The following ST6GALNAC3 variants were observed in gnomAD, a reference collection of about 807,000 sequenced individuals.
ST6GALNAC3 encodes the protein ST6 N-acetylgalactosaminide alpha-2,6-sialyltransferase 3.
ST6GALNAC3 carries 25 observed loss-of-function variants against 32.7 expected under a neutral mutation model. The ratio of observed to expected loss-of-function variants is 0.76; its 90% CI spans 0.56 to 1.07. The LOEUF is 1.07. ST6GALNAC3 is among the 50% of genes least tolerant of loss of function. ST6GALNAC3 has a pLI of 0.00. For missense variants in ST6GALNAC3, 355 were observed against 382.4 expected (o/e 0.93, Z 0.60); for synonymous variants, 129 against 133.1 (o/e 0.97, Z 0.21).
chr1:76,540,972 T>C (rs1250946438), intron 3 of ST6GALNAC3, among the ~76,000 whole-genome samples: 7 of 152,264 alleles, frequency 4.6e-5, no homozygotes, highest in Non-Finnish European at 1.0e-4. Context: ...GCCAAGGTGC[T>C]TGGGAGCATA....
chr1:76,521,082 C>A (rs1570075133), intron 3 of ST6GALNAC3, among the ~76,000 whole-genome samples: 1 of 151,706 alleles, frequency 6.6e-6, no homozygotes, highest in Non-Finnish European at 1.5e-5. Context: ...TCTTTTAATG[C>A]CTAAGAGATA....
chr1:76,130,397 G>A (rs1051728767), intron 1 of ST6GALNAC3, among the ~76,000 whole-genome samples: 5 of 152,192 alleles, frequency 3.3e-5, no homozygotes, highest in African/African-American at 1.2e-4. Context: ...TCCATGGGGT[G>A]GGTGGCTGTG....
chr1:76,604,729 C>T (rs1167844070), intron 3 of ST6GALNAC3, among the ~76,000 whole-genome samples: 2 of 152,216 alleles, frequency 1.3e-5, no homozygotes, highest in African/African-American at 4.8e-5. Flanking sequence ...CCAAACCAGA[C>T]TCTGTTACTT....
At chr1:76,197,199 T>G (rs959759172) in intron 1 of ST6GALNAC3, among the ~76,000 whole-genome samples, 1 of 152,190 alleles carries the variant, frequency 6.6e-6, no homozygotes, top group Non-Finnish European at 1.5e-5. Context: ...GACTAGTTGT[T>G]AAGATTGCTG....
chr1:76,592,913 G>A (rs1006312019), intron 3 of ST6GALNAC3, among the ~76,000 whole-genome samples: 2 of 152,124 alleles, frequency 1.3e-5, no homozygotes, highest in Non-Finnish European at 2.9e-5. Context: ...TTACAGAGAA[G>A]CCAAAGACTA....
At chr1:76,355,278 G>A (rs2101033904) in intron 2 of ST6GALNAC3, among the ~76,000 whole-genome samples, 1 of 152,246 alleles carries the variant, frequency 6.6e-6, no homozygotes, top group Admixed American at 6.5e-5. Context: ...TCTAATTGGA[G>A]AATAATCTAT....
chr1:76,227,605 C>T (rs1332456602), intron 1 of ST6GALNAC3, among the ~76,000 whole-genome samples: 1 of 152,120 alleles, frequency 6.6e-6, no homozygotes, highest in Non-Finnish European at 1.5e-5. Context: ...TTGTGTCAAG[C>T]ACTCATCTGT....
intron 2 of ST6GALNAC3, among the ~76,000 whole-genome samples, chr1:76,368,186 G>A (rs530689311): frequency 3.9e-5 from 6 of 152,152 alleles, no homozygotes; most frequent in Non-Finnish European, 5.9e-5. Flanking sequence ...CAACTCTGCC[G>A]TCGTAGAGAA....
chr1:76,247,460 A>T (rs1228395128), intron 1 of ST6GALNAC3, among the ~76,000 whole-genome samples: 1 of 151,996 alleles, frequency 6.6e-6, no homozygotes, highest in Non-Finnish European at 1.5e-5. Context: ...TCCCAGGAAG[A>T]TGAGAGTTGT....
At chr1:76,470,875 T>C (rs1358465211) in intron 3 of ST6GALNAC3, among the ~76,000 whole-genome samples, 1 of 152,032 alleles carries the variant, frequency 6.6e-6, no homozygotes, top group African/African-American at 2.4e-5. Flanking sequence ...AGAAATTGGA[T>C]GTTGTAGGCA....
chr1:76,153,253 AT>A (rs1553160093), intron 1 of ST6GALNAC3, among the ~76,000 whole-genome samples: 1 of 152,032 alleles, frequency 6.6e-6, no homozygotes, highest in Non-Finnish European at 1.5e-5. Flanking sequence ...GCTATTGCCT[AT>A]TTGCATACCC....
At chr1:76,288,307 T>C (rs1327984390) in intron 1 of ST6GALNAC3, among the ~76,000 whole-genome samples, 1 of 152,186 alleles carries the variant, frequency 6.6e-6, no homozygotes, top group Non-Finnish European at 1.5e-5. Context: ...TGTGGTCCAA[T>C]TTTTTCCTGC....
At chr1:76,347,741 C>G (rs549315594) in intron 2 of ST6GALNAC3, among the ~76,000 whole-genome samples, 1 of 152,194 alleles carries the variant, frequency 6.6e-6, no homozygotes, top group East Asian at 1.9e-4. Context: ...TTCCTGGGTT[C>G]AAGCTCTTGC....
chr1:76,325,737 AATTATTATTACT>A (rs1177995680), intron 2 of ST6GALNAC3, among the ~76,000 whole-genome samples: 3 of 149,808 alleles, frequency 2.0e-5, no homozygotes, highest in Non-Finnish European at 4.4e-5. Flanking sequence ...TTATTTTTAC[AATTATTATTACT>A]ATTATTATTA....
chr1:76,147,843 A>T (rs1650788498), intron 1 of ST6GALNAC3, among the ~76,000 whole-genome samples: 1 of 151,712 alleles, frequency 6.6e-6, no homozygotes, highest in African/African-American at 2.4e-5. Context: ...CTCAATCTTC[A>T]TCTGTCATCA....
At chr1:76,613,043 G>A (rs1033385109) in intron 3 of ST6GALNAC3, among the ~76,000 whole-genome samples, 14 of 152,178 alleles carry the variant, frequency 9.2e-5, no homozygotes, top group African/African-American at 3.4e-4. Context: ...GCAGGAGGAT[G>A]GCCTTGCCTG....
intron 1 of ST6GALNAC3, among the ~76,000 whole-genome samples, chr1:76,296,045 C>T (rs535611925): frequency 7.2e-5 from 11 of 152,042 alleles, no homozygotes; most frequent in African/African-American, 2.2e-4. Context: ...GTGTTCTGAA[C>T]GTTTTTATGC....
chr1:76,241,935 G>A (rs959113031), intron 1 of ST6GALNAC3, among the ~76,000 whole-genome samples: 4 of 152,112 alleles, frequency 2.6e-5, no homozygotes, highest in African/African-American at 7.2e-5. Context: ...TAGTGCAGGC[G>A]GATATCCTCT....
At chr1:76,561,888 G>A (rs1665267205) in intron 3 of ST6GALNAC3, among the ~76,000 whole-genome samples, 2 of 152,174 alleles carry the variant, frequency 1.3e-5, no homozygotes. Flanking sequence ...ATTGAAAAAT[G>A]TATGAGGTCC....
Sources: allele counts gnomAD v4.1 joint callset (sites outside exome capture counted in the v4.1 genomes callset), GRCh38; gene constraint gnomAD v4.1.1; transcripts MANE v1.5; gene names NCBI Gene and HGNC (gene_info 2026-07-23, HGNC 2026-07-21).